WSCD2: variants seen among roughly 807,000 people sequenced by gnomAD.
WSCD2 encodes the protein sialate:O-sulfotransferase 2.
WSCD2 carries 28 observed loss-of-function variants against 55.7 expected under a neutral mutation model. The ratio of observed to expected loss-of-function variants is 0.50; its 90% confidence interval spans 0.37 to 0.69. WSCD2 has a LOEUF of 0.69. WSCD2 is among the 30% of genes least tolerant of loss of function. The pLI is 0.00. For missense variants in WSCD2, 616 were observed against 762.1 expected (o/e 0.81, Z 2.26); for synonymous variants, 301 against 301.9 (o/e 1.00, Z 0.03).
intron 1 of WSCD2, among the ~76,000 whole-genome samples, chr12:108,141,946 C>A (rs2136883351): frequency 6.6e-6 from 1 of 152,290 alleles, no homozygotes; most frequent in East Asian, 1.9e-4. Flanking sequence ...ATTGAAATCC[C>A]TGCAAAGAGC....
chr12:108,167,081 G>A (rs367795822), intron 1 of WSCD2, among the ~76,000 whole-genome samples: 12 of 151,800 alleles, frequency 7.9e-5, no homozygotes, highest in Non-Finnish European at 1.6e-4. Flanking sequence ...CAAAGTGCTG[G>A]GATTATAGGC....
intron 3 of WSCD2, 69 bp downstream of exon 3, chr12:108,206,472 CT>C (rs1356827220): frequency 6.8e-7 from 1 of 1,474,610 alleles, no homozygotes; most frequent in East Asian, 2.3e-5. Context: ...CTGTGGTATT[CT>C]TTGCCCTGCT....
At chr12:108,225,302 C>T (rs896201026) in intron 5 of WSCD2, among the ~76,000 whole-genome samples, 1 of 152,158 alleles carries the variant, frequency 6.6e-6, no homozygotes, top group African/African-American at 2.4e-5. Context: ...CAGGAACTGC[C>T]CTTTTTAAAG....
intron 1 of WSCD2, among the ~76,000 whole-genome samples, chr12:108,166,773 C>CTTTCTTTCTTTCT (rs1879685935): frequency 7.2e-6 from 1 of 137,984 alleles, no homozygotes; most frequent in Admixed American, 7.4e-5. Flanking sequence ...TTCTTTCTTT[C>CTTTCTTTCTTTCT]TTTCTTTCTT....
chr12:108,224,958 G>A (rs1341120021), intron 5 of WSCD2, 98 bp downstream of exon 5: 27 of 1,505,104 alleles, frequency 1.8e-5, no homozygotes, highest in South Asian at 2.6e-5. Context: ...CAGCTCAGTC[G>A]GGATAGATGT....
At position 108,249,049 on chromosome 12, in the gene WSCD2, G is replaced by T; in HGVS notation, c.*706G>T. On this transcript the variant is annotated 3_prime_UTR_variant, in exon 9 of 9. Coordinates refer to ENST00000547525, the MANE Select transcript of WSCD2 (RefSeq NM_014653.4). Reference sequence around the variant, plus strand: ...TTTCCACCTCCAGGGCATGAACCCTGCCCCTTTCTATCCATGCTGTGTCCA... The same window carrying T: ...TTTCCACCTCCAGGGCATGAACCCTTCCCCTTTCTATCCATGCTGTGTCCA... 1 of 417,680 alleles carries T rather than the reference G, an allele frequency of 2.4e-6. No individual in the cohort carries two copies. The highest frequency in any genetic ancestry group is 3.2e-6 in the Non-Finnish European group (1 of 310,532). The allele number at this position is 417,680 out of a possible 1,614,324, so 25.9% of individuals were successfully genotyped here. A position where few individuals can be genotyped will look rare whatever the true frequency, so the allele number is the denominator to read the frequency against.
chr12:108,155,293 G>A (rs1878405296), intron 1 of WSCD2, among the ~76,000 whole-genome samples: 1 of 152,168 alleles, frequency 6.6e-6, no homozygotes, highest in African/African-American at 2.4e-5. Flanking sequence ...GCATGATTGT[G>A]GCCCCCGTAC....
intron 3 of WSCD2, among the ~76,000 whole-genome samples, chr12:108,208,038 A>G (rs761567955): frequency 2.6e-5 from 4 of 152,156 alleles, no homozygotes; most frequent in Non-Finnish European, 5.9e-5. Flanking sequence ...CTTCTCAGAG[A>G]AGGTGTCAGC....
At chr12:108,217,027 T>C (rs552232376) in intron 4 of WSCD2, among the ~76,000 whole-genome samples, 166 of 152,368 alleles carry the variant, frequency 1.1e-3, no homozygotes, top group Non-Finnish European at 2.1e-3. Flanking sequence ...GGAAGTGGCA[T>C]GGTTTGAGTA....
In WSCD2 at chr12:108,250,201, TGAGA is replaced by T. The variant is rs895683674; in HGVS notation, c.*1873_*1876del. 30 of 148,994 alleles carry T rather than the reference TGAGA, an allele frequency of 2.0e-4. No homozygotes were observed. The highest frequency in any genetic ancestry group is 1.5e-3 in the Admixed American group (22 of 14,974). The allele number at this position is 148,994 out of a possible 1,614,324, so 9.2% of individuals were successfully genotyped here. A position where few individuals can be genotyped will look rare whatever the true frequency, so the allele number is the denominator to read the frequency against. Reference sequence around the variant, plus strand: ...GTGTGTGTGTGTGTGTGTGTGTGTATGAGAGAGAGAGAGAGAGACAACAGAGACA... The same window carrying T: ...GTGTGTGTGTGTGTGTGTGTGTGTATGAGAGAGAGAGAGACAACAGAGACA... On this transcript the variant is annotated 3_prime_UTR_variant, in exon 9 of 9. Coordinates refer to ENST00000547525, the MANE Select transcript of WSCD2 (RefSeq NM_014653.4).
chr12:108,176,802 TTTTTTG>T (rs1200251403), intron 1 of WSCD2, among the ~76,000 whole-genome samples: 1 of 96,790 alleles, frequency 1.0e-5, no homozygotes, highest in African/African-American at 2.9e-5. Context: ...TTAGTTTTTG[TTTTTTG>T]TTTTTGTTTT....
intron 6 of WSCD2, among the ~76,000 whole-genome samples, chr12:108,227,664 A>G (rs1327728968): frequency 6.6e-6 from 1 of 152,102 alleles, no homozygotes; most frequent in Non-Finnish European, 1.5e-5. Context: ...TGCTAGCGGA[A>G]TCCACACTTA....
chr12:108,167,282 TCTTA>T (rs1879765147), intron 1 of WSCD2: 1 of 152,226 alleles, frequency 6.6e-6, no homozygotes, highest in African/African-American at 2.4e-5. Context: ...CTGTAATTGT[TCTTA>T]CTTGAGGAAG....
chr12:108,234,475 A>G (rs1889093256), intron 7 of WSCD2, among the ~76,000 whole-genome samples: 1 of 152,180 alleles, frequency 6.6e-6, no homozygotes, highest in African/African-American at 2.4e-5. Context: ...CTTTTTATAT[A>G]TTTATTAATT....
intron 4 of WSCD2, among the ~76,000 whole-genome samples, chr12:108,219,214 T>G (rs188083834): frequency 6.6e-6 from 1 of 152,324 alleles, no homozygotes; most frequent in African/African-American, 2.4e-5. Flanking sequence ...GTTGATTTGA[T>G]GCACAACCAC....
intron 8 of WSCD2, among the ~76,000 whole-genome samples, chr12:108,247,757 A>G (rs1373085270): frequency 1.3e-5 from 2 of 152,150 alleles, no homozygotes; most frequent in African/African-American, 2.4e-5. Context: ...GGGTCTTGCT[A>G]TGTTGCCCAG....
chr12:108,210,191 G>T lies in WSCD2; in HGVS notation c.568G>T (p.Val190Leu). ...YCGHKIQATN[V>L]SEAECDMECK... ...CGGCCACAAGATCCAGGCGACGAAC[G>T]TGAGCGAGGCAGAGTGCGACATGGA... The change falls in exon 4 of 9, where the codon GTG becomes TTG. Residue 190 changes from valine to leucine, a missense_variant. Val to Leu is a conservative substitution (Grantham distance 32). Coordinates refer to ENST00000547525, the MANE Select transcript of WSCD2 (RefSeq NM_014653.4). This position sits in a 1 kb window ranked among gnomAD's most constrained non-coding sequence, Gnocchi z 4.3. 1 of 1,614,086 alleles carries T rather than the reference G, an allele frequency of 6.2e-7. No homozygotes were observed. Among genetic ancestry groups the T allele is most frequent in the Non-Finnish European group, 8.5e-7 (1 of 1,179,984 alleles).
intron 1 of WSCD2, among the ~76,000 whole-genome samples, chr12:108,170,150 G>T (rs777953519): frequency 2.1e-5 from 3 of 145,838 alleles, no homozygotes; most frequent in Non-Finnish European, 4.5e-5. Flanking sequence ...GTGTGAGCTT[G>T]TATGTGTGTC....
At chr12:108,146,886 C>T (rs1877446646) in intron 1 of WSCD2, among the ~76,000 whole-genome samples, 2 of 152,322 alleles carry the variant, frequency 1.3e-5, no homozygotes. Context: ...TCCCAAAAGT[C>T]CGGCCAGTCC....
Sources: gnomAD v4.1 joint callset for allele counts (sites outside exome capture counted in the v4.1 genomes callset) on GRCh38, gnomAD v4.1.1 for gene constraint, Gnocchi (gnomAD v3.1) non-coding constraint, MANE v1.5 for transcripts, NCBI Gene and HGNC (gene_info 2026-07-23, HGNC 2026-07-21) for gene names.